Variants in SLC35F1 observed in about 807,000 individuals in gnomAD.
The protein encoded by SLC35F1 is chromosome 6 open reading frame 169.
SLC35F1 carries 14 observed loss-of-function variants against 48.7 expected under a neutral mutation model. The observed-to-expected ratio is 0.29, with a 90% CI of 0.19 to 0.45. The LOEUF is 0.45. Among genes scored for constraint, SLC35F1 ranks in the 20% least tolerant of loss-of-function variants. The pLI is 1.00. For synonymous variants in SLC35F1, 190 were observed against 202.2 expected, an observed-to-expected ratio of 0.94 and a Z score of 0.51; for missense variants, 404 against 500.0, an observed-to-expected ratio of 0.81 and a Z score of 1.83.
chr6:117,970,121 A>T (rs1158776685), intron 1 of SLC35F1, among the ~76,000 whole-genome samples: 2 of 152,226 alleles, frequency 1.3e-5, no homozygotes, highest in African/African-American at 4.8e-5. Context: ...AGGTTGTTGT[A>T]ATCAGTGGAT....
At chr6:118,186,044 A>G (rs2114516750) in intron 2 of SLC35F1, among the ~76,000 whole-genome samples, 1 of 152,252 alleles carries the variant, frequency 6.6e-6, no homozygotes, top group East Asian at 1.9e-4. Context: ...TGCAATATAC[A>G]AGGTTGAGCA....
chr6:117,986,623 C>T (rs1355539162), intron 1 of SLC35F1, among the ~76,000 whole-genome samples: 1 of 152,178 alleles, frequency 6.6e-6, no homozygotes, highest in Non-Finnish European at 1.5e-5. Flanking sequence ...GGCCCTTTGC[C>T]TCTGCCTGGC....
At chr6:118,008,442 A>C (rs1777203885) in intron 1 of SLC35F1, among the ~76,000 whole-genome samples, 1 of 152,174 alleles carries the variant, frequency 6.6e-6, no homozygotes, top group African/African-American at 2.4e-5. Context: ...GTTGGGGTCA[A>C]TATTTAAATT....
Position 118,314,307 on chromosome 6 carries a change from C to T in SLC35F1, c.*55C>T. The T allele has an allele frequency of 1.3e-6, 2 of 1,501,200 alleles. No individual in the cohort carries two copies. The highest frequency in any genetic ancestry group is 1.9e-6 in the Non-Finnish European group (2 of 1,080,732). The allele number at this position is 1,501,200 out of a possible 1,614,324, so 93.0% of individuals were successfully genotyped here. A position where few individuals can be genotyped will look rare whatever the true frequency, so the allele number is the denominator to read the frequency against. Reference sequence around the variant, plus strand: ...ACTCATTGGCCATGTTTTTGCCCATCATCTCTGTATTGTACATAGAGAAAG... The same window carrying T: ...ACTCATTGGCCATGTTTTTGCCCATTATCTCTGTATTGTACATAGAGAAAG... On this transcript the variant is annotated 3_prime_UTR_variant, in exon 8 of 8. Coordinates refer to ENST00000360388, the MANE Select transcript of SLC35F1 (RefSeq NM_001029858.4).
chr6:118,115,272 C>T (rs1773461426), intron 1 of SLC35F1, among the ~76,000 whole-genome samples: 1 of 152,104 alleles, frequency 6.6e-6, no homozygotes, highest in South Asian at 2.1e-4. Flanking sequence ...GAGAGGGTCC[C>T]TACTGCTGCT....
In SLC35F1 at chr6:118,154,750, AT is replaced by A. The variant is rs1190738916; in HGVS notation, c.349+134del. On this transcript the variant is annotated intron_variant, in intron 2 of 7. Coordinates refer to ENST00000360388, the MANE Select transcript of SLC35F1 (RefSeq NM_001029858.4). ...TGAAAACCCCAGATCTTACTTTTCT[AT>A]TTTGCAGTAATACAGTAAACAAAAT... 1.8e-5 allele frequency: 15 copies of A among 830,672 alleles called. No individual in the cohort carries two copies. In the Admixed American group the frequency reaches 1.9e-4, roughly 11 times the overall value. 51.5% of individuals were successfully genotyped at this position (830,672 alleles called of 1,614,324 possible). A position where few individuals can be genotyped will look rare whatever the true frequency, so the allele number is the denominator to read the frequency against.
At chr6:118,199,579 T>C (rs1446594988) in intron 2 of SLC35F1, among the ~76,000 whole-genome samples, 2 of 152,216 alleles carry the variant, frequency 1.3e-5, no homozygotes, top group Non-Finnish European at 2.9e-5. Context: ...ACTAGTAAGA[T>C]ATTGAACAAC....
At chr6:117,996,810 C>A (rs139460227) in intron 1 of SLC35F1, among the ~76,000 whole-genome samples, 2 of 152,166 alleles carry the variant, frequency 1.3e-5, no homozygotes, top group East Asian at 3.9e-4. Context: ...TAGATAAAAC[C>A]ACAAAGATGG....
rs539291678 is a variant in SLC35F1 at position 118,085,943 on chromosome 6, C to T, written c.174-68502C>T. On this transcript the variant is annotated intron_variant, in intron 1 of 7. Coordinates refer to ENST00000360388, the MANE Select transcript of SLC35F1 (RefSeq NM_001029858.4). ...CTTCTGATGATCAAATTTCCCCCTTCTTGAGTTCATGAAAAATATGAAAGT... is the reference window on the plus strand; with the variant it reads ...CTTCTGATGATCAAATTTCCCCCTTTTTGAGTTCATGAAAAATATGAAAGT... 2.6e-4 allele frequency among the ~76,000 whole-genome samples: 39 copies of T among 152,162 alleles called. 1 individual carries two copies. The East Asian group carries it at 6.6e-3, about 26-fold the overall frequency.
intron 7 of SLC35F1, among the ~76,000 whole-genome samples, chr6:118,303,698 A>C (rs1434265143): frequency 6.6e-6 from 1 of 152,220 alleles, no homozygotes. Context: ...TAAGATGATC[A>C]TACCTAATTT....
Position 118,158,946 on chromosome 6 carries a change from C to T in SLC35F1, c.349+4326C>T, listed in dbSNP as rs1183180260. ...AATTTTTAAAAAATGCTCGGCTGGGCGTGGTGGCTCATGCCTGTAATCCCA... is the reference window on the plus strand; with the variant it reads ...AATTTTTAAAAAATGCTCGGCTGGGTGTGGTGGCTCATGCCTGTAATCCCA... On this transcript the variant is annotated intron_variant, in intron 2 of 7. Transcript: ENST00000360388. Among the ~76,000 whole-genome samples the T allele has an allele frequency of 5.3e-5, 8 of 152,212 alleles. No individual in the cohort carries two copies. In the South Asian group the frequency reaches 1.2e-3, roughly 24 times the overall value.
At chr6:117,960,187 T>G (rs1016249306) in intron 1 of SLC35F1, among the ~76,000 whole-genome samples, 1 of 151,936 alleles carries the variant, frequency 6.6e-6, no homozygotes, top group Admixed American at 6.5e-5. Flanking sequence ...TATTACAAAC[T>G]ATCTATGTTT....
intron 1 of SLC35F1, among the ~76,000 whole-genome samples, chr6:117,937,787 C>T (rs999897344): frequency 3.9e-5 from 6 of 152,178 alleles, no homozygotes; most frequent in Admixed American, 6.5e-5. Context: ...TTGAGCTGTT[C>T]GAACTCAGAA....
At chr6:118,019,959 G>A (rs577720066) in intron 1 of SLC35F1, among the ~76,000 whole-genome samples, 5 of 152,084 alleles carry the variant, frequency 3.3e-5, no homozygotes, top group Non-Finnish European at 7.4e-5. Context: ...TGAACCCCTT[G>A]GTCAATGCTA....
At chr6:118,070,533 G>A (rs1026066626) in intron 1 of SLC35F1, among the ~76,000 whole-genome samples, 11 of 151,950 alleles carry the variant, frequency 7.2e-5, no homozygotes, top group Non-Finnish European at 1.5e-4. Flanking sequence ...TGTATATAAC[G>A]TAATAATTGA....
At chr6:118,226,485 TACACAC>T (rs1233953929) in intron 2 of SLC35F1, among the ~76,000 whole-genome samples, 1 of 150,742 alleles carries the variant, frequency 6.6e-6, no homozygotes, top group African/African-American at 2.4e-5. Context: ...GATGAATGGA[TACACAC>T]ACACACACAC....
At chr6:117,936,891 G>C (rs1297101447) in intron 1 of SLC35F1, among the ~76,000 whole-genome samples, 1 of 152,006 alleles carries the variant, frequency 6.6e-6, no homozygotes, top group Non-Finnish European at 1.5e-5. Flanking sequence ...ATTTATTATT[G>C]TTACTGTTTT....
chr6:117,962,278 T>G (rs1460113080), intron 1 of SLC35F1, among the ~76,000 whole-genome samples: 10 of 150,378 alleles, frequency 6.6e-5, no homozygotes, highest in Admixed American at 2.6e-4. Context: ...GGAAGCAGCA[T>G]AGCTCATGAA....
intron 1 of SLC35F1, among the ~76,000 whole-genome samples, chr6:118,076,827 AT>A (rs372957526): frequency 3.3e-5 from 5 of 151,128 alleles, no homozygotes; most frequent in South Asian, 4.2e-4. Flanking sequence ...GGCAGCATTG[AT>A]TTTTTTTTCA....
Sources: allele counts gnomAD v4.1 joint callset (sites outside exome capture counted in the v4.1 genomes callset), GRCh38; gene constraint gnomAD v4.1.1; transcripts MANE v1.5; gene names NCBI Gene and HGNC (gene_info 2026-07-23, HGNC 2026-07-21).